Variants in ZFHX3 observed in about 807,000 individuals in gnomAD.
ZFHX3 encodes zinc finger homeobox protein 3.
Under a neutral mutation model 279.1 loss-of-function variants are expected in ZFHX3, and 42 were observed. The observed-to-expected ratio is 0.15, with a 90% CI of 0.12 to 0.19. The LOEUF (loss-of-function observed/expected upper bound fraction) is 0.19, where lower values mean the gene tolerates loss of function less well. Ranked by LOEUF, ZFHX3 falls within the 10% of genes least tolerant of loss-of-function variation. ZFHX3 has a pLI of 1.00. For missense variants in ZFHX3, 4,981 were observed against 4,754.0 expected, an observed-to-expected ratio of 1.05 and a Z score of -1.40; for synonymous variants, 2,293 against 1,957.8, an observed-to-expected ratio of 1.17 and a Z score of -4.52.
intron 2 of ZFHX3, among the ~76,000 whole-genome samples, chr16:73,628,700 A>T (rs1166310150): frequency 6.6e-6 from 1 of 152,190 alleles, no homozygotes; most frequent in African/African-American, 2.4e-5. Flanking sequence ...TTCATATTGC[A>T]TGGTAAGCCT....
At chr16:73,256,819 A>C (rs181275236) in intron 5 of ZFHX3, among the ~76,000 whole-genome samples, 1 of 152,284 alleles carries the variant, frequency 6.6e-6, no homozygotes, top group East Asian at 1.9e-4. Flanking sequence ...GTACCATTTC[A>C]TTTGGTGAAT....
At chr16:73,806,970 TGAG>T (rs1303638852) in intron 1 of ZFHX3, among the ~76,000 whole-genome samples, 1 of 151,682 alleles carries the variant, frequency 6.6e-6, no homozygotes, top group African/African-American at 2.4e-5. Context: ...CGTGATGAGG[TGAG>T]GAGGATGGAG....
At chr16:73,393,418 C>T (rs1424547498) in intron 3 of ZFHX3, among the ~76,000 whole-genome samples, 1 of 152,178 alleles carries the variant, frequency 6.6e-6, no homozygotes, top group Non-Finnish European at 1.5e-5. Context: ...CCCTTTCCTC[C>T]ATACAAATGT....
At chr16:73,415,975 C>T (rs1234659851) in intron 3 of ZFHX3, among the ~76,000 whole-genome samples, 1 of 151,900 alleles carries the variant, frequency 6.6e-6, no homozygotes, top group African/African-American at 2.4e-5. Flanking sequence ...CAAAAATTAG[C>T]TGAGTGAGGT....
At chr16:73,460,494 G>A (rs559451809) in intron 2 of ZFHX3, among the ~76,000 whole-genome samples, 2 of 152,264 alleles carry the variant, frequency 1.3e-5, no homozygotes, top group African/African-American at 2.4e-5. Context: ...AAATATCCAG[G>A]AGTGCAGTTG....
At chr16:73,492,032 C>T (rs1433432240) in intron 2 of ZFHX3, among the ~76,000 whole-genome samples, 1 of 152,216 alleles carries the variant, frequency 6.6e-6, no homozygotes, top group Non-Finnish European at 1.5e-5. Context: ...TCCTTGGTCC[C>T]TTCATTGATG....
rs1184140173 is a variant in ZFHX3, at chr16:72,957,527, G to A, written c.2619C>T (p.Pro873=). 1 of 1,614,084 alleles carries A rather than the reference G, an allele frequency of 6.2e-7. No homozygotes were observed. Among genetic ancestry groups the A allele is most frequent in the African/African-American group, 1.3e-5 (1 of 74,930 alleles). ...QYYLAQNMNL[P]NLKMDSAASD... ...AGGCAGCACTGTCCATCTTCAGGTT[G>A]GGCAGGTTCATGTTCTGGGCCAGGT... The change falls in exon 2 of 10, where the codon CCC becomes CCT. Residue 873 remains proline (P), a synonymous_variant. Transcript: ENST00000268489.
At chr16:73,289,770 G>A (rs1291812039) in intron 4 of ZFHX3, among the ~76,000 whole-genome samples, 1 of 152,108 alleles carries the variant, frequency 6.6e-6, no homozygotes, top group East Asian at 1.9e-4. Context: ...AGGGGAGCAG[G>A]AGACCCTACC....
chr16:73,050,825 C>T (rs976449508), upstream of ZFHX3, among the ~76,000 whole-genome samples: 1 of 152,314 alleles, frequency 6.6e-6, no homozygotes, highest in Non-Finnish European at 1.5e-5. Context: ...AGTCTCGTCT[C>T]ATCTGGAAAG....
chr16:73,734,452 T>A (rs933808359), intron 1 of ZFHX3, among the ~76,000 whole-genome samples: 1 of 152,206 alleles, frequency 6.6e-6, no homozygotes, highest in Non-Finnish European at 1.5e-5. Flanking sequence ...TTTTATCTCA[T>A]AAATTTTGTA....
intron 5 of ZFHX3, chr16:73,231,910 A>T (rs990890952): frequency 8.5e-5 from 13 of 152,076 alleles, no homozygotes; most frequent in Admixed American, 1.3e-4. Context: ...CACAACAAAG[A>T]CTTCTATTTT....
At chr16:72,965,365 G>A (rs1011006172) in intron 1 of ZFHX3, among the ~76,000 whole-genome samples, 1 of 152,112 alleles carries the variant, frequency 6.6e-6, no homozygotes, top group African/African-American at 2.4e-5. Flanking sequence ...GGGGGTGAGG[G>A]GAACAGTTCA....
chr16:72,975,323 T>G (rs760361823), intron 1 of ZFHX3, among the ~76,000 whole-genome samples: 5 of 152,126 alleles, frequency 3.3e-5, no homozygotes, highest in Non-Finnish European at 5.9e-5. Context: ...GCGCCTGTGA[T>G]CCCAGCTAAC....
At chr16:72,860,401 G>A (rs533249691) in intron 4 of ZFHX3, among the ~76,000 whole-genome samples, 86 of 152,222 alleles carry the variant, frequency 5.6e-4, no homozygotes, top group African/African-American at 1.9e-3. Flanking sequence ...TCAAACGTGT[G>A]TCCCTCCAAA....
intron 3 of ZFHX3, among the ~76,000 whole-genome samples, chr16:73,375,860 T>TTGC (rs2016714274): frequency 6.6e-6 from 1 of 152,236 alleles, no homozygotes; most frequent in Non-Finnish European, 1.5e-5. Flanking sequence ...TACATCAAAT[T>TTGC]ACTATGCTTT....
intron 3 of ZFHX3, among the ~76,000 whole-genome samples, chr16:73,387,874 A>G (rs1409940990): frequency 1.3e-5 from 2 of 151,894 alleles, no homozygotes; most frequent in African/African-American, 4.8e-5. Flanking sequence ...TGACAGTCCT[A>G]TCTTCTGTGT....
chr16:73,538,282 T>G (rs910012990), intron 2 of ZFHX3, among the ~76,000 whole-genome samples: 5 of 152,256 alleles, frequency 3.3e-5, no homozygotes, highest in African/African-American at 1.2e-4. Flanking sequence ...CTCTTCTGTT[T>G]CCTCTGCTAC....
At chr16:73,036,943 T>C (rs1338922975) in intron 1 of ZFHX3, among the ~76,000 whole-genome samples, 1 of 152,204 alleles carries the variant, frequency 6.6e-6, no homozygotes. Flanking sequence ...AAACTTCCTA[T>C]GCCAATTTAT....
chr16:73,643,830 C>G (rs2052594722), intron 2 of ZFHX3, among the ~76,000 whole-genome samples: 1 of 152,126 alleles, frequency 6.6e-6, no homozygotes, highest in African/African-American at 2.4e-5. Flanking sequence ...AACAAAAGCC[C>G]TTTTTCAGTT....
Sources: allele counts gnomAD v4.1 joint callset (sites outside exome capture counted in the v4.1 genomes callset), GRCh38; gene constraint gnomAD v4.1.1; transcripts MANE v1.5; gene names NCBI Gene and HGNC (gene_info 2026-07-23, HGNC 2026-07-21).